CACNA2D2: variants seen among roughly 807,000 people sequenced by gnomAD.
The protein encoded by CACNA2D2 is calcium voltage-gated channel auxiliary subunit alpha2delta 2.
In CACNA2D2, 48 loss-of-function variants were observed where a neutral mutation model predicts 166.4. The observed-to-expected ratio is 0.29, with a 90% CI of 0.23 to 0.37. CACNA2D2 has a LOEUF of 0.37. Ranked by LOEUF, CACNA2D2 falls within the 10% of genes least tolerant of loss-of-function variation. The probability of loss-of-function intolerance (pLI) is 1.00; values close to 1 mark genes in which losing one functional copy is unlikely to be tolerated. For synonymous variants in CACNA2D2, 561 were observed against 573.7 expected, an observed-to-expected ratio of 0.98 and a Z score of 0.32; for missense variants, 1,122 against 1,433.0, an observed-to-expected ratio of 0.78 and a Z score of 3.50.
At chr3:50,457,061 C>A (rs575127638) in intron 2 of CACNA2D2, among the ~76,000 whole-genome samples, 1 of 152,320 alleles carries the variant, frequency 6.6e-6, no homozygotes, top group Admixed American at 6.5e-5. Context: ...ATTAGCTTGG[C>A]TAACATGGTG....
At chr3:50,450,071 AG>A (rs1709028560) in intron 2 of CACNA2D2, among the ~76,000 whole-genome samples, 1 of 152,176 alleles carries the variant, frequency 6.6e-6, no homozygotes. Flanking sequence ...GGCAAGCTAA[AG>A]GTGGCCCCCA....
chr3:50,442,596 G>A (rs896946575), intron 2 of CACNA2D2, among the ~76,000 whole-genome samples: 14 of 152,162 alleles, frequency 9.2e-5, no homozygotes, highest in African/African-American at 2.9e-4. Context: ...ACTCAGACAA[G>A]GTATTCACAG....
At chr3:50,391,045 C>T (rs1481535118) in intron 4 of CACNA2D2, among the ~76,000 whole-genome samples, 4 of 152,248 alleles carry the variant, frequency 2.6e-5, no homozygotes, top group Non-Finnish European at 5.9e-5. Flanking sequence ...GCTGGCTTGG[C>T]AGAGGCAGGC....
In CACNA2D2 at chr3:50,427,384, G is replaced by A. The variant is rs1707851874; in HGVS notation, c.405+6929C>T. Reference sequence around the variant, plus strand: ...AGCTGGCTCCTGTGGGCGGCAACTTGCCAGGAAGCAGCGGCACTGTTTGGG... The same window carrying A: ...AGCTGGCTCCTGTGGGCGGCAACTTACCAGGAAGCAGCGGCACTGTTTGGG... On this transcript the variant is annotated intron_variant, in intron 3 of 37. Transcript: ENST00000424201. This position sits in a 1 kb window ranked among gnomAD's most constrained non-coding sequence, Gnocchi z 4.7. Among the ~76,000 whole-genome samples, 1 of 152,236 alleles carries A rather than the reference G, an allele frequency of 6.6e-6. No homozygotes were observed. Among genetic ancestry groups the A allele is most frequent in the African/African-American group, 2.4e-5 (1 of 41,476 alleles).
chr3:50,405,972 T>C (rs1440508976), intron 3 of CACNA2D2, among the ~76,000 whole-genome samples: 1 of 151,844 alleles, frequency 6.6e-6, no homozygotes, highest in Non-Finnish European at 1.5e-5. Context: ...TTCCTGGCGA[T>C]CATGAGAACT....
intron 4 of CACNA2D2, among the ~76,000 whole-genome samples, chr3:50,391,354 G>A (rs2106719012): frequency 6.6e-6 from 1 of 152,346 alleles, no homozygotes; most frequent in East Asian, 1.9e-4. Flanking sequence ...CCACGCCCTG[G>A]CCCAGCTCCT....
Position 50,375,920 on chromosome 3 carries a change from T to C in CACNA2D2, c.1774-40A>G. On this transcript the variant is annotated intron_variant, in intron 19 of 37. Transcript: ENST00000424201. This position sits in a 1 kb window ranked among gnomAD's most constrained non-coding sequence, Gnocchi z 4.0. The stretch of plus-strand genomic sequence containing the variant: ...GATGTGAGGGGCAGGGCCCCTACAC[T>C]CCTCTGCTCTGTCCCCCACCCCTGT... 6.2e-7 allele frequency: 1 copy of C among 1,612,642 alleles called. No homozygotes were observed. Among genetic ancestry groups the C allele is most frequent in the Non-Finnish European group, 8.5e-7 (1 of 1,179,602 alleles).
intron 3 of CACNA2D2, among the ~76,000 whole-genome samples, chr3:50,419,153 G>C (rs911164687): frequency 1.3e-5 from 2 of 152,180 alleles, no homozygotes; most frequent in African/African-American, 4.8e-5. Flanking sequence ...AGAGGCTTAG[G>C]CTTTTGCAAG....
chr3:50,375,165 C>T lies in CACNA2D2; in HGVS notation c.1908-352G>A, dbSNP rs1704906412. Among the ~76,000 whole-genome samples, 1 of 152,206 alleles carries T rather than the reference C, an allele frequency of 6.6e-6. No individual in the cohort carries two copies. The highest frequency in any genetic ancestry group is 2.1e-4 in the South Asian group (1 of 4,836). ...GAGCTGGCTGCAATGCCAGTGTTGCCGTGGGAGTGGGGTCACCAGCCCCCA... is the reference window on the plus strand; with the variant it reads ...GAGCTGGCTGCAATGCCAGTGTTGCTGTGGGAGTGGGGTCACCAGCCCCCA... On this transcript the variant is annotated intron_variant, in intron 21 of 37. Coordinates refer to ENST00000424201, the MANE Select transcript of CACNA2D2 (RefSeq NM_006030.4). The surrounding 1 kb of genome is among the most constrained non-coding windows in gnomAD (Gnocchi z 4.0).
At chr3:50,500,606 G>T (rs1396207149) in intron 1 of CACNA2D2, among the ~76,000 whole-genome samples, 1 of 152,172 alleles carries the variant, frequency 6.6e-6, no homozygotes, top group Non-Finnish European at 1.5e-5. Flanking sequence ...GAAAAAGGAG[G>T]CAGGTGAAAG....
rs1305184689 is a variant in CACNA2D2, at chr3:50,376,246, T to A, written c.1627-58A>T. On this transcript the variant is annotated intron_variant, in intron 17 of 37. Transcript: ENST00000424201. The surrounding 1 kb of genome is among the most constrained non-coding windows in gnomAD (Gnocchi z 4.3). ...AGGGATGGGCTGGGGTTCCCTGGGCTCCGGAGTTCTTCCCTATTTGGCCTC... is the reference window on the plus strand; with the variant it reads ...AGGGATGGGCTGGGGTTCCCTGGGCACCGGAGTTCTTCCCTATTTGGCCTC... 1 of 1,564,886 alleles carries A rather than the reference T, an allele frequency of 6.4e-7. No homozygotes were observed.
At chr3:50,424,455 C>T (rs879065120) in intron 3 of CACNA2D2, among the ~76,000 whole-genome samples, 1 of 152,174 alleles carries the variant, frequency 6.6e-6, no homozygotes. Context: ...CACACACGCA[C>T]GCGCTCTCCA....
intron 2 of CACNA2D2, among the ~76,000 whole-genome samples, chr3:50,474,857 C>T (rs1273612273): frequency 6.6e-6 from 1 of 152,194 alleles, no homozygotes; most frequent in African/African-American, 2.4e-5. Context: ...CTCTGGAAAG[C>T]TCTGCTGGCC....
At chr3:50,436,848 C>T (rs1163394675) in intron 2 of CACNA2D2, among the ~76,000 whole-genome samples, 1 of 152,214 alleles carries the variant, frequency 6.6e-6, no homozygotes, top group Non-Finnish European at 1.5e-5. Flanking sequence ...CCTCCAGCCC[C>T]ACCCTGTTCT....
intron 14 of CACNA2D2, 63 bp downstream of exon 14, chr3:50,378,204 TTGGCCCACAGCAGCCCA>T (rs1705090741): frequency 6.4e-7 from 1 of 1,565,552 alleles, no homozygotes; most frequent in Non-Finnish European, 8.7e-7. Flanking sequence ...GGGGGCGCCC[TTGGCCCACAGCAGCCCA>T]TGGCACACAG....
At chr3:50,483,028 A>G (rs964651464) in intron 1 of CACNA2D2, among the ~76,000 whole-genome samples, 15 of 152,196 alleles carry the variant, frequency 9.9e-5, no homozygotes, top group African/African-American at 3.4e-4. Flanking sequence ...CTCACACTAC[A>G]AAGACCACAG....
chr3:50,496,198 G>A (rs1311619846), intron 1 of CACNA2D2, among the ~76,000 whole-genome samples: 1 of 152,226 alleles, frequency 6.6e-6, no homozygotes, highest in Non-Finnish European at 1.5e-5. Flanking sequence ...AACCACACGT[G>A]TGCTTGCACT....
chr3:50,460,790 C>G (rs1709555408), intron 2 of CACNA2D2, among the ~76,000 whole-genome samples: 1 of 151,534 alleles, frequency 6.6e-6, no homozygotes, highest in South Asian at 2.1e-4. Flanking sequence ...GAAGGCGGAG[C>G]TTGCAGTGAG....
intron 3 of CACNA2D2, among the ~76,000 whole-genome samples, chr3:50,397,359 G>C (rs958677348): frequency 5.3e-5 from 8 of 152,238 alleles, no homozygotes; most frequent in African/African-American, 1.9e-4. Context: ...GGCAGGCCCG[G>C]TGGTGGGGGA....
Sources: allele counts gnomAD v4.1 joint callset (sites outside exome capture counted in the v4.1 genomes callset), GRCh38; gene constraint gnomAD v4.1.1; non-coding constraint Gnocchi (gnomAD v3.1); transcripts MANE v1.5; gene names NCBI Gene and HGNC (gene_info 2026-07-23, HGNC 2026-07-21).